NFXL1: variants seen among roughly 807,000 people sequenced by gnomAD.
NFXL1 encodes the protein NF-X1-type zinc finger protein NFXL1.
A neutral mutation model predicts 123.3 loss-of-function variants in NFXL1; 66 were observed. That is an observed-to-expected ratio of 0.54 (90% confidence interval 0.44 to 0.66). The LOEUF is 0.66. Ranked by LOEUF, NFXL1 falls within the 30% of genes least tolerant of loss-of-function variation. The pLI, the probability that NFXL1 is intolerant of heterozygous loss-of-function variation, is 0.00. For missense variants in NFXL1, 944 were observed against 1,125.6 expected (o/e 0.84, Z 2.31); for synonymous variants, 346 against 360.8 (o/e 0.96, Z 0.46).
chr4:47,879,117 C>G lies in NFXL1; in HGVS notation c.1917G>C (p.Met639Ile). ...PCPPCQVPIP[M>I]ECLGKHEVSP... Reference sequence around the variant, plus strand: ...TTACCTCATGTTTCCCAAGACATTCCCTACAAGGAAAAAATAAAATAAAAT... The same window carrying G: ...TTACCTCATGTTTCCCAAGACATTCGCTACAAGGAAAAAATAAAATAAAAT... Residue 639 changes from methionine to isoleucine, a missense_variant and splice_region_variant, in exon 16 of 23, where the codon ATG (methionine) becomes ATC (isoleucine). Transcript: ENST00000507489. 1.5e-6 allele frequency: 2 copies of G among 1,335,064 alleles called. No homozygotes were observed. Among genetic ancestry groups the G allele is most frequent in the South Asian group, 1.6e-5 (1 of 62,078 alleles). 82.7% of individuals were successfully genotyped at this position (1,335,064 alleles called of 1,614,324 possible). A position where few individuals can be genotyped will look rare whatever the true frequency, so the allele number is the denominator to read the frequency against.
chr4:47,857,311 TCA>T (rs1370267876), intron 19 of NFXL1, among the ~76,000 whole-genome samples: 1 of 152,152 alleles, frequency 6.6e-6, no homozygotes, highest in Non-Finnish European at 1.5e-5. Context: ...CCAATCCTTC[TCA>T]GTCTCTGATA....
chr4:47,856,891 C>T (rs1560580504), intron 19 of NFXL1, among the ~76,000 whole-genome samples: 1 of 152,058 alleles, frequency 6.6e-6, no homozygotes, highest in Non-Finnish European at 1.5e-5. Flanking sequence ...TGTTTCAAGC[C>T]TTTGTATTGC....
At chr4:47,855,961 T>G (rs558645017) in intron 19 of NFXL1, among the ~76,000 whole-genome samples, 1 of 152,302 alleles carries the variant, frequency 6.6e-6, no homozygotes, top group Admixed American at 6.5e-5. Context: ...GATATAAATC[T>G]GCCTATACAT....
intron 18 of NFXL1, among the ~76,000 whole-genome samples, chr4:47,873,194 C>T (rs1735555213): frequency 6.6e-6 from 1 of 152,170 alleles, no homozygotes; most frequent in African/African-American, 2.4e-5. Flanking sequence ...CTATTTCCAC[C>T]ACATCTGCAG....
intron 2 of NFXL1, among the ~76,000 whole-genome samples, chr4:47,912,918 C>A (rs1383411953): frequency 6.7e-6 from 1 of 149,070 alleles, no homozygotes; most frequent in African/African-American, 2.5e-5. Flanking sequence ...GAGGCTGAGG[C>A]CGGAGAACGG....
At chr4:47,870,433 A>C (rs1735364686) in intron 18 of NFXL1, among the ~76,000 whole-genome samples, 1 of 152,064 alleles carries the variant, frequency 6.6e-6, no homozygotes, top group Admixed American at 6.6e-5. Flanking sequence ...ATGGTGACAA[A>C]GCCAACATCT....
intron 3 of NFXL1, 42 bp from the exon 4 acceptor site, chr4:47,905,388 T>C (rs1434250828): frequency 1.0e-6 from 1 of 953,710 alleles, no homozygotes; most frequent in South Asian, 1.4e-5. Flanking sequence ...AAACAACATC[T>C]GAAAATAACA....
chr4:47,906,364 T>G (rs1737563682), intron 3 of NFXL1, among the ~76,000 whole-genome samples: 1 of 152,188 alleles, frequency 6.6e-6, no homozygotes, highest in Non-Finnish European at 1.5e-5. Context: ...AGCCAAAATT[T>G]AAGTTGCCAA....
chr4:47,881,288 C>T (rs1184529967), intron 15 of NFXL1, among the ~76,000 whole-genome samples: 1 of 152,090 alleles, frequency 6.6e-6, no homozygotes, highest in Non-Finnish European at 1.5e-5. Flanking sequence ...ACTGTATGTA[C>T]TGAAACAGCA....
At chr4:47,883,913 A>T (rs759607179) in intron 15 of NFXL1, among the ~76,000 whole-genome samples, 1 of 152,212 alleles carries the variant, frequency 6.6e-6, no homozygotes, top group Non-Finnish European at 1.5e-5. Flanking sequence ...TCACTGGCCC[A>T]TCCAGGAAAC....
intron 18 of NFXL1, among the ~76,000 whole-genome samples, chr4:47,864,552 T>C (rs1208952709): frequency 1.3e-5 from 2 of 152,106 alleles, no homozygotes; most frequent in East Asian, 1.9e-4. Flanking sequence ...ACAGGCCTTG[T>C]TGGGTTTCCC....
intron 9 of NFXL1, among the ~76,000 whole-genome samples, chr4:47,897,219 G>C (rs534166785): frequency 3.1e-4 from 47 of 152,274 alleles, no homozygotes; most frequent in African/African-American, 1.1e-3. Context: ...GGCTGAGGCA[G>C]GAGGATCACT....
At chr4:47,874,105 G>A (rs1332877713) in intron 18 of NFXL1, among the ~76,000 whole-genome samples, 1 of 152,216 alleles carries the variant, frequency 6.6e-6, no homozygotes, top group Non-Finnish European at 1.5e-5. Context: ...TGTTGTGGCT[G>A]CTTTGATCTT....
At chr4:47,870,409 T>C (rs754928289) in intron 18 of NFXL1, among the ~76,000 whole-genome samples, 3 of 152,174 alleles carry the variant, frequency 2.0e-5, no homozygotes, top group Non-Finnish European at 4.4e-5. Context: ...ACAGAAATTG[T>C]TGGATACTCC....
At chr4:47,849,391 A>G (rs1006680990) in intron 22 of NFXL1, among the ~76,000 whole-genome samples, 1 of 152,146 alleles carries the variant, frequency 6.6e-6, no homozygotes, top group African/African-American at 2.4e-5. Flanking sequence ...GTGCATAGGT[A>G]ATTAAGACAA....
At chr4:47,889,554 G>A (rs966694036) in intron 12 of NFXL1, among the ~76,000 whole-genome samples, 1 of 152,152 alleles carries the variant, frequency 6.6e-6, no homozygotes, top group Non-Finnish European at 1.5e-5. Context: ...ATTTCTGAAA[G>A]GATAGGGAGA....
At chr4:47,850,324 T>A (rs1354909764) in intron 22 of NFXL1, among the ~76,000 whole-genome samples, 1 of 152,128 alleles carries the variant, frequency 6.6e-6, no homozygotes, top group East Asian at 1.9e-4. Flanking sequence ...TTCCTAATTG[T>A]TCTAATTGTT....
chr4:47,890,505 T>C (rs975816828), intron 12 of NFXL1, 108 bp downstream of exon 12: 4 of 644,074 alleles, frequency 6.2e-6, no homozygotes, highest in African/African-American at 5.6e-5. Context: ...TCAAGTGAGA[T>C]AATGACTATA....
intron 18 of NFXL1, among the ~76,000 whole-genome samples, chr4:47,869,823 C>T (rs988062250): frequency 6.6e-6 from 1 of 151,976 alleles, no homozygotes; most frequent in African/African-American, 2.4e-5. Flanking sequence ...TACTACCTAA[C>T]ACTCAAGAAA....
Sources: gnomAD v4.1 joint callset for allele counts (sites outside exome capture counted in the v4.1 genomes callset) on GRCh38, gnomAD v4.1.1 for gene constraint, MANE v1.5 for transcripts, NCBI Gene and HGNC (gene_info 2026-07-23, HGNC 2026-07-21) for gene names.